Variants in MACROD2 observed in about 807,000 individuals in gnomAD.
MACROD2 encodes mono-ADP ribosylhydrolase 2.
A neutral mutation model predicts 70.4 loss-of-function variants in MACROD2; 36 were observed. That is an observed-to-expected ratio of 0.51 (90% CI 0.39 to 0.68). The LOEUF is 0.68. MACROD2 is among the 30% of genes least tolerant of loss of function. MACROD2 has a pLI of 0.00. For synonymous variants in MACROD2, 172 were observed against 178.8 expected (o/e 0.96, Z 0.30); for missense variants, 496 against 538.4 (o/e 0.92, Z 0.78).
At chr20:15,261,561 T>C (rs1363967100) in intron 6 of MACROD2, among the ~76,000 whole-genome samples, 2 of 152,048 alleles carry the variant, frequency 1.3e-5, no homozygotes, top group Non-Finnish European at 2.9e-5. Flanking sequence ...TTTATTTTAC[T>C]TTCTCAATTT....
At chr20:15,507,197 T>A (rs975000842) in intron 8 of MACROD2, among the ~76,000 whole-genome samples, 1 of 152,098 alleles carries the variant, frequency 6.6e-6, no homozygotes, top group East Asian at 1.9e-4. Context: ...GCTAACATTT[T>A]ATATTTTCTC....
At position 15,453,623 on chromosome 20, in the gene MACROD2, T is replaced by A. The variant is rs78540842; in HGVS notation, c.571+22188T>A. ...AGTATCATTTTCCTTATTGTACAAA[T>A]GAGAAATCGAAGACCCTGAGAGGTG... is the stretch of plus-strand genomic sequence containing the variant. On this transcript the variant is annotated intron_variant, in intron 7 of 17. Coordinates refer to ENST00000684519, the MANE Select transcript of MACROD2 (RefSeq NM_001351661.2). Among the ~76,000 whole-genome samples the A allele has an allele frequency of 6.4e-3, 981 of 152,206 alleles. 43 individuals carry two copies. The East Asian group carries it at 0.11, about 18-fold the overall frequency.
At chr20:15,618,603 T>A (rs1277724195) in intron 8 of MACROD2, among the ~76,000 whole-genome samples, 1 of 151,462 alleles carries the variant, frequency 6.6e-6, no homozygotes, top group East Asian at 2.0e-4. Flanking sequence ...ACAAAACATG[T>A]TCAAGGTCTT....
At chr20:15,747,035 C>T (rs1239173280) in intron 8 of MACROD2, among the ~76,000 whole-genome samples, 1 of 152,018 alleles carries the variant, frequency 6.6e-6, no homozygotes, top group Non-Finnish European at 1.5e-5. Flanking sequence ...AAGTTCTAAA[C>T]AAAAAGCTCC....
chr20:15,957,449 C>T (rs1234000769), intron 12 of MACROD2, among the ~76,000 whole-genome samples: 1 of 152,190 alleles, frequency 6.6e-6, no homozygotes, highest in Non-Finnish European at 1.5e-5. Flanking sequence ...TGACCCACTT[C>T]ATACGTCTCT....
At chr20:14,003,742 G>T in intron 2 of MACROD2, 1 of 449,128 alleles carries the variant, frequency 2.2e-6, no homozygotes. Flanking sequence ...TCTGGTTGTT[G>T]CTCTGTAAAG....
At chr20:15,248,350 C>T (rs968128404) in intron 6 of MACROD2, among the ~76,000 whole-genome samples, 10 of 152,160 alleles carry the variant, frequency 6.6e-5, no homozygotes, top group Admixed American at 6.5e-4. Flanking sequence ...GGATGCTTGC[C>T]TCTCAGCTTC....
At chr20:15,305,283 C>A (rs892233805) in intron 6 of MACROD2, among the ~76,000 whole-genome samples, 1 of 151,832 alleles carries the variant, frequency 6.6e-6, no homozygotes, top group African/African-American at 2.4e-5. Context: ...CATGAAACAG[C>A]GCACCTATTG....
chr20:15,885,332 G>A (rs773892884), intron 9 of MACROD2, among the ~76,000 whole-genome samples: 3 of 152,106 alleles, frequency 2.0e-5, no homozygotes, highest in Non-Finnish European at 4.4e-5. Context: ...GCGGGGATTT[G>A]ACATGTGTCG....
At chr20:15,161,892 T>C (rs1319088017) in intron 5 of MACROD2, among the ~76,000 whole-genome samples, 1 of 152,064 alleles carries the variant, frequency 6.6e-6, no homozygotes, top group Non-Finnish European at 1.5e-5. Flanking sequence ...ATTGAATTTA[T>C]CTCTCCCTGC....
chr20:14,102,304 A>G (rs2148679631), intron 3 of MACROD2, among the ~76,000 whole-genome samples: 1 of 152,026 alleles, frequency 6.6e-6, no homozygotes, highest in African/African-American at 2.4e-5. Flanking sequence ...GGCTGGCCTT[A>G]ATGAGTACTT....
At chr20:14,415,781 C>T (rs2083797219) in intron 3 of MACROD2, among the ~76,000 whole-genome samples, 2 of 152,112 alleles carry the variant, frequency 1.3e-5, no homozygotes, top group South Asian at 4.1e-4. Flanking sequence ...AGGTGTAAGG[C>T]ACGTGGTCTA....
chr20:14,755,581 T>C (rs1331716937), intron 5 of MACROD2, among the ~76,000 whole-genome samples: 1 of 152,102 alleles, frequency 6.6e-6, no homozygotes, highest in Non-Finnish European at 1.5e-5. Context: ...ACTTAATTTT[T>C]GAAAGGATTA....
chr20:14,146,839 T>C (rs1182026737), intron 3 of MACROD2, among the ~76,000 whole-genome samples: 1 of 152,172 alleles, frequency 6.6e-6, no homozygotes, highest in African/African-American at 2.4e-5. Flanking sequence ...AGTGGCTAAG[T>C]AGAGAATGCT....
chr20:15,840,568 A>G (rs1428352951), intron 8 of MACROD2, among the ~76,000 whole-genome samples: 2 of 152,192 alleles, frequency 1.3e-5, no homozygotes, highest in Admixed American at 1.3e-4. Context: ...ATGCTCACCT[A>G]TATCTACTTC....
At chr20:14,620,511 A>G (rs557715977) in intron 4 of MACROD2, among the ~76,000 whole-genome samples, 1 of 152,262 alleles carries the variant, frequency 6.6e-6, no homozygotes, top group East Asian at 1.9e-4. Flanking sequence ...TTGTTTATCT[A>G]GATATATATC....
chr20:15,658,606 A>G (rs1338299852), intron 8 of MACROD2, among the ~76,000 whole-genome samples: 1 of 152,236 alleles, frequency 6.6e-6, no homozygotes, highest in Non-Finnish European at 1.5e-5. Context: ...TCATCGTGTC[A>G]GAATCTCCCT....
intron 8 of MACROD2, among the ~76,000 whole-genome samples, chr20:15,647,299 G>A (rs531925087): frequency 3.3e-4 from 51 of 152,292 alleles, no homozygotes; most frequent in African/African-American, 1.2e-3. Flanking sequence ...AGAAATGACA[G>A]GTGGAAGAAA....
chr20:14,669,902 T>C (rs2070775955), intron 4 of MACROD2, among the ~76,000 whole-genome samples: 1 of 151,986 alleles, frequency 6.6e-6, no homozygotes, highest in Non-Finnish European at 1.5e-5. Context: ...CTGCTTAGAC[T>C]CTATTAATAA....
Sources: gnomAD v4.1 joint callset for allele counts (sites outside exome capture counted in the v4.1 genomes callset) on GRCh38, gnomAD v4.1.1 for gene constraint, MANE v1.5 for transcripts, NCBI Gene and HGNC (gene_info 2026-07-23, HGNC 2026-07-21) for gene names.